The following TRIM50 variants were observed in gnomAD, a reference collection of about 807,000 sequenced individuals.
TRIM50 encodes E3 ubiquitin-protein ligase TRIM50.
A neutral mutation model predicts 44.9 loss-of-function variants in TRIM50; 34 were observed. The ratio of observed to expected loss-of-function variants is 0.76; its 90% CI spans 0.58 to 1.01. The LOEUF (loss-of-function observed/expected upper bound fraction) is 1.01, where lower values mean the gene tolerates loss of function less well. Ranked by LOEUF, TRIM50 falls within the 50% of genes least tolerant of loss-of-function variation. The pLI is 0.00. For synonymous variants in TRIM50, 307 were observed against 291.1 expected, an observed-to-expected ratio of 1.05 and a Z score of -0.56; for missense variants, 633 against 663.7, an observed-to-expected ratio of 0.95 and a Z score of 0.51.
At chr7:73,321,070 G>A (rs1184962663) in intron 2 of TRIM50, among the ~76,000 whole-genome samples, 4 of 152,018 alleles carry the variant, frequency 2.6e-5, no homozygotes, top group Admixed American at 2.6e-4. Flanking sequence ...AATGGCTCGT[G>A]CCTGTAATCC....
At chr7:73,319,892 CCT>C (rs1299429437) in intron 3 of TRIM50, among the ~76,000 whole-genome samples, 30 of 152,320 alleles carry the variant, frequency 2.0e-4, no homozygotes, top group African/African-American at 2.4e-4. Flanking sequence ...CTGTTTACCC[CCT>C]GAGACTCAAG....
intron 3 of TRIM50, among the ~76,000 whole-genome samples, chr7:73,319,682 G>A (rs1804448530): frequency 6.6e-6 from 1 of 152,214 alleles, no homozygotes; most frequent in Non-Finnish European, 1.5e-5. Context: ...TCCTGTTTCT[G>A]TTTCACAGCC....
Position 73,324,534 on chromosome 7 carries a change from T to C in TRIM50, c.254A>G (p.Glu85Gly). The change falls in exon 2 of 7, where the codon GAG (glutamate) becomes GGG (glycine). Residue 85 changes from glutamate (E) to glycine (G), a missense_variant. Physicochemically the swap from Glu to Gly is moderately conservative, Grantham distance 98. Coordinates refer to ENST00000333149, the MANE Select transcript of TRIM50 (RefSeq NM_178125.3). ...IEALRLPGDPEPKVCVHHRNP... is the reference protein window; with the variant it reads ...IEALRLPGDPGPKVCVHHRNP... ...CCGGTGGTGCACGCAGACCTTGGGC[T>C]CCGGGTCCCCAGGGAGCCTCAGGGC... 1 of 1,613,828 alleles carries C rather than the reference T, an allele frequency of 6.2e-7. No homozygotes were observed. The highest frequency in any genetic ancestry group is 8.5e-7 in the Non-Finnish European group (1 of 1,179,948).
chr7:73,313,051 T>A lies in TRIM50; in HGVS notation c.1334A>T (p.Asp445Val), dbSNP rs1554543236. The A allele has an allele frequency of 6.3e-7, 1 of 1,578,976 alleles. No individual in the cohort carries two copies. The highest frequency in any genetic ancestry group is 1.3e-5 in the African/African-American group (1 of 74,382). Reference protein sequence around the residue: ...DLRPLYTFQADFQGKLYPILD... With the variant: ...DLRPLYTFQAVFQGKLYPILD... ...GATGGGGTAGAGCTTGCCCTGGAAG[T>A]CGGCCTGGAAGGTGTAGAGCGGCCG... The change falls in exon 7 of 7, where the codon GAC becomes GTC. Residue 445 changes from aspartate (D) to valine (V), a missense_variant. Transcript: ENST00000333149. This position sits in a 1 kb window ranked among gnomAD's most constrained non-coding sequence, Gnocchi z 4.9.
In TRIM50 at chr7:73,327,970, G is replaced by C; in HGVS notation, c.-89C>G. On this transcript the variant is annotated 5_prime_UTR_variant, in exon 1 of 7. Transcript: ENST00000333149. ...CCAGTTAGATGCCCCATCCTGCCCC[G>C]CGAGCTCCAATTACGTGCCCCACCT... is the stretch of plus-strand genomic sequence containing the variant. The C allele has an allele frequency of 1.8e-6, 1 of 556,882 alleles. No homozygotes were observed. The highest frequency in any genetic ancestry group is 3.2e-6 in the Non-Finnish European group (1 of 309,556). 34.5% of individuals were successfully genotyped at this position (556,882 alleles called of 1,614,324 possible).
chr7:73,324,519 A>T lies in TRIM50; in HGVS notation c.269T>A (p.Val90Glu), dbSNP rs1804572964. 6.2e-7 allele frequency: 1 copy of T among 1,613,756 alleles called. No individual in the cohort carries two copies. Among genetic ancestry groups the T allele is most frequent in the Admixed American group, 1.7e-5 (1 of 59,996 alleles). The change falls in exon 2 of 7, where the codon GTG (valine) becomes GAG (glutamate). Residue 90 changes from valine to glutamate, a missense_variant. Physicochemically the swap from Val to Glu is moderately radical, Grantham distance 121. Coordinates refer to ENST00000333149, the MANE Select transcript of TRIM50 (RefSeq NM_178125.3). ...LPGDPEPKVCVHHRNPLSLFC... is the reference protein window; with the variant it reads ...LPGDPEPKVCEHHRNPLSLFC... ...AAGGCTGAGCGGGTTCCGGTGGTGC[A>T]CGCAGACCTTGGGCTCCGGGTCCCC...
intron 6 of TRIM50, chr7:73,314,024 C>G (rs1804299753): frequency 8.2e-6 from 2 of 244,826 alleles, no homozygotes; most frequent in Non-Finnish European, 1.6e-5. Context: ...GAGCTTTTTG[C>G]TAGTTACCAG....
intron 1 of TRIM50, among the ~76,000 whole-genome samples, chr7:73,326,790 A>C (rs1414300917): frequency 6.6e-6 from 1 of 151,914 alleles, no homozygotes; most frequent in African/African-American, 2.4e-5. Context: ...TCTGTTATAC[A>C]GGTTTTGTTT....
At chr7:73,314,554 G>T in intron 6 of TRIM50, 1 of 320,340 alleles carries the variant, frequency 3.1e-6, no homozygotes, top group Non-Finnish European at 6.1e-6. Context: ...TGGAGAACAA[G>T]AACGCTCAGC....
intron 1 of TRIM50, among the ~76,000 whole-genome samples, chr7:73,326,731 G>GT (rs112809122): frequency 1.4e-4 from 21 of 148,462 alleles, no homozygotes; most frequent in South Asian, 2.1e-4. Flanking sequence ...TGAATTGTGA[G>GT]TTTTTTTTTT....
At chr7:73,325,477 A>T (rs1238867400) in intron 1 of TRIM50, 1 of 154,838 alleles carries the variant, frequency 6.5e-6, no homozygotes, top group Admixed American at 6.5e-5. Context: ...GGCTTCTCAC[A>T]ATCCGCTGGG....
intron 1 of TRIM50, among the ~76,000 whole-genome samples, chr7:73,326,097 C>G (rs1804617315): frequency 1.3e-5 from 2 of 152,242 alleles, no homozygotes; most frequent in African/African-American, 4.8e-5. Context: ...GCTTTGTTGC[C>G]CAGGCTGGTC....
At position 73,324,690 on chromosome 7, in the gene TRIM50, T is replaced by C. The variant is rs1804580708; in HGVS notation, c.98A>G (p.His33Arg). The change falls in exon 2 of 7, where the codon CAC (histidine) becomes CGC (arginine). Residue 33 changes from histidine (H) to arginine (R), a missense_variant. Transcript: ENST00000333149. ...AACCAGGCAGCCCTTGCAGTAAGAG[T>C]GGCCACACTGCAGCATCAGGGGCTC... ...FKEPLMLQCG[H>R]SYCKGCLVSL... 1.9e-6 allele frequency: 3 copies of C among 1,613,900 alleles called. No homozygotes were observed. The East Asian group carries it at 6.7e-5, about 36-fold the overall frequency.
intron 1 of TRIM50, among the ~76,000 whole-genome samples, chr7:73,325,017 T>C (rs1804592922): frequency 6.6e-5 from 1 of 15,082 alleles, no homozygotes; most frequent in Non-Finnish European, 1.3e-4. Flanking sequence ...TGAAGATATG[T>C]GTGTGTGTGT....
In TRIM50 at chr7:73,313,118, C is replaced by T; in HGVS notation, c.1267G>A (p.Gly423Ser). Residue 423 changes from glycine to serine, a missense_variant, in exon 7 of 7, where the codon GGC (glycine) becomes AGC (serine). Gly to Ser is a moderately conservative substitution (Grantham distance 56). Coordinates refer to ENST00000333149, the MANE Select transcript of TRIM50 (RefSeq NM_178125.3). This position sits in a 1 kb window ranked among gnomAD's most constrained non-coding sequence, Gnocchi z 4.9. ...RIGLYLHYEQ[G>S]ELTFFDADRP... ...TCGGCATCGAAGAAGGTGAGTTCGC[C>T]CTGCTCATAGTGCAGGTAGAGCCCG... 6.3e-7 allele frequency: 1 copy of T among 1,593,494 alleles called. No homozygotes were observed. Among genetic ancestry groups the T allele is most frequent in the Non-Finnish European group, 8.5e-7 (1 of 1,170,568 alleles).
At chr7:73,319,764 G>C (rs1273148999) in intron 3 of TRIM50, among the ~76,000 whole-genome samples, 6 of 152,228 alleles carry the variant, frequency 3.9e-5, no homozygotes, top group African/African-American at 1.4e-4. Context: ...CCAGGGCCCA[G>C]GGCTGCCAGC....
chr7:73,313,035 G>C lies in TRIM50; in HGVS notation c.1350C>G (p.Leu450=), dbSNP rs1804260121. ...GCCAGCAGGTGTCCAGGATGGGGTA[G>C]AGCTTGCCCTGGAAGTCGGCCTGGA... ...YTFQADFQGK[L]YPILDTCWHE... Residue 450 remains leucine (L), a synonymous_variant, in exon 7 of 7, where the codon CTC becomes CTG. Coordinates refer to ENST00000333149, the MANE Select transcript of TRIM50 (RefSeq NM_178125.3). The surrounding 1 kb of genome is among the most constrained non-coding windows in gnomAD (Gnocchi z 4.9). The C allele has an allele frequency of 6.4e-7, 1 of 1,570,028 alleles. No homozygotes were observed. The highest frequency in any genetic ancestry group is 1.2e-5 in the South Asian group (1 of 85,488).
chr7:73,323,511 C>T (rs1421675645), intron 2 of TRIM50, among the ~76,000 whole-genome samples: 3 of 152,166 alleles, frequency 2.0e-5, no homozygotes, highest in Non-Finnish European at 2.9e-5. Context: ...CACCCAGTCA[C>T]GTGTTTTATA....
At chr7:73,320,535 T>G (rs1804470233) in intron 2 of TRIM50, among the ~76,000 whole-genome samples, 1 of 151,714 alleles carries the variant, frequency 6.6e-6, no homozygotes, top group South Asian at 2.1e-4. Flanking sequence ...CCATTTCTAT[T>G]AAAAATACAA....
Sources: gnomAD v4.1 joint callset for allele counts (sites outside exome capture counted in the v4.1 genomes callset) on GRCh38, gnomAD v4.1.1 for gene constraint, Gnocchi (gnomAD v3.1) non-coding constraint, MANE v1.5 for transcripts, NCBI Gene and HGNC (gene_info 2026-07-23, HGNC 2026-07-21) for gene names.